TRIM16: variants seen among roughly 807,000 people sequenced by gnomAD.
TRIM16 encodes tripartite motif containing 16.
Under a neutral mutation model 50.4 loss-of-function variants are expected in TRIM16, and 33 were observed. That is an observed-to-expected ratio of 0.65 (90% CI 0.50 to 0.88). TRIM16 has a LOEUF of 0.88. TRIM16 is among the 40% of genes least tolerant of loss of function. The pLI, the probability that TRIM16 is intolerant of heterozygous loss-of-function variation, is 0.00. For synonymous variants in TRIM16, 229 were observed against 270.7 expected (o/e 0.85, Z 1.51); for missense variants, 581 against 686.8 (o/e 0.85, Z 1.72).
At chr17:15,633,439 A>G (rs1986533079) in intron 9 of TRIM16, among the ~76,000 whole-genome samples, 1 of 150,734 alleles carries the variant, frequency 6.6e-6, no homozygotes, top group East Asian at 2.0e-4. Context: ...CAGTGGGAGA[A>G]AGGATAAGTT....
chr17:15,663,998 T>G (rs949781894), intron 6 of TRIM16, among the ~76,000 whole-genome samples: 1 of 152,170 alleles, frequency 6.6e-6, no homozygotes, highest in Non-Finnish European at 1.5e-5. Flanking sequence ...GCAAACCATC[T>G]GCTAAAATGG....
intron 6 of TRIM16, among the ~76,000 whole-genome samples, chr17:15,656,512 C>T (rs1248549346): frequency 1.3e-5 from 2 of 152,072 alleles, no homozygotes; most frequent in Non-Finnish European, 2.9e-5. Flanking sequence ...CCTCCTCAGC[C>T]CCCATCACAA....
chr17:15,658,830 G>A (rs1184186124), intron 6 of TRIM16: 1 of 985,284 alleles, frequency 1.0e-6, no homozygotes, highest in East Asian at 1.1e-4. Flanking sequence ...TGAACTTTCT[G>A]GTTTGGGGTC....
Position 15,651,079 on chromosome 17 carries a change from C to G in TRIM16, c.519+12G>C, listed in dbSNP as rs1000248219. On this transcript the variant is annotated intron_variant, in intron 7 of 11. Transcript: ENST00000649191. ...CCTCTCCCAAATGGATGAATGGTCC[C>G]CAAGCACTCACCTCCTTGTCCCTGC... The G allele has an allele frequency of 6.3e-7, 1 of 1,594,768 alleles. No homozygotes were observed. Among genetic ancestry groups the G allele is most frequent in the Admixed American group, 1.7e-5 (1 of 59,310 alleles).
At chr17:15,633,520 T>C (rs1187177139) in intron 9 of TRIM16, among the ~76,000 whole-genome samples, 3 of 148,552 alleles carry the variant, frequency 2.0e-5, no homozygotes, top group Non-Finnish European at 4.5e-5. Context: ...ACGTTATCTT[T>C]TGCCAAAATA....
rs369179380 is a variant in TRIM16 at position 15,676,228 on chromosome 17, C to T, written c.-338+948G>A. On this transcript the variant is annotated intron_variant, in intron 6 of 11. Transcript: ENST00000649191. ...CGAGATGCCCATAGCACACTTCAGA[C>T]GTTGCCAAATGTCCCCCGGGGGGCA... is the stretch of plus-strand genomic sequence containing the variant. Among the ~76,000 whole-genome samples, 15 of 152,246 alleles carry T rather than the reference C, an allele frequency of 9.9e-5. No homozygotes were observed. The East Asian group carries it at 2.3e-3, about 24-fold the overall frequency.
At chr17:15,652,370 A>G (rs1456257163) in intron 6 of TRIM16, among the ~76,000 whole-genome samples, 2 of 141,312 alleles carry the variant, frequency 1.4e-5, no homozygotes, top group East Asian at 4.1e-4. Flanking sequence ...CATCTTGGCC[A>G]GGCTGGTCTT....
intron 8 of TRIM16, among the ~76,000 whole-genome samples, chr17:15,637,621 G>T (rs1266943357): frequency 9.8e-4 from 85 of 87,042 alleles, no homozygotes; most frequent in African/African-American, 4.5e-3. Flanking sequence ...GGAGGGAGGT[G>T]GGGGGGGGTC....
intron 11 of TRIM16, among the ~76,000 whole-genome samples, chr17:15,629,908 C>T (rs2150894801): frequency 1.3e-5 from 2 of 152,352 alleles, no homozygotes; most frequent in Non-Finnish European, 2.9e-5. Context: ...GGGTTTCTGA[C>T]TGGTCGTTCG....
chr17:15,631,568 G>A (rs1986420095), intron 11 of TRIM16, 51 bp downstream of exon 11: 1 of 1,592,714 alleles, frequency 6.3e-7, no homozygotes, highest in African/African-American at 1.3e-5. Context: ...ACTTAGCAAA[G>A]CACTGCACTG....
intron 6 of TRIM16, among the ~76,000 whole-genome samples, chr17:15,665,806 C>T (rs1011867700): frequency 3.3e-5 from 5 of 152,024 alleles, no homozygotes; most frequent in Admixed American, 6.5e-5. Flanking sequence ...GATGTCTCAG[C>T]TCAACTTTCA....
intron 5 of TRIM16, 109 bp downstream of exon 5, chr17:15,677,465 GA>G: frequency 1.0e-6 from 1 of 966,960 alleles, no homozygotes; most frequent in Non-Finnish European, 1.2e-6. Flanking sequence ...TTCTGTGGGG[GA>G]AAATAACCAA....
At position 15,629,203 on chromosome 17, in the gene TRIM16, G is replaced by A. The variant is rs755756102; in HGVS notation, c.1112-5C>T. On this transcript the variant is annotated splice_region_variant and splice_polypyrimidine_tract_variant and intron_variant, in intron 11 of 11. Coordinates refer to ENST00000649191, the MANE Select transcript of TRIM16 (RefSeq NM_001348119.1). Reference sequence around the variant, plus strand: ...CAAACGTGATGTCATACGCATCTGAGGAGACACAGAAGGCAGGAGAGTGGT... The same window carrying A: ...CAAACGTGATGTCATACGCATCTGAAGAGACACAGAAGGCAGGAGAGTGGT... 12 of 1,594,724 alleles carry A rather than the reference G, an allele frequency of 7.5e-6. No individual in the cohort carries two copies. The highest frequency in any genetic ancestry group is 1.1e-5 in the South Asian group (1 of 88,264).
At chr17:15,636,326 T>G (rs1986740449) in intron 8 of TRIM16, 57 bp from the exon 9 acceptor site, 1 of 1,567,440 alleles carries the variant, frequency 6.4e-7, no homozygotes, top group African/African-American at 1.4e-5. Context: ...GCATCCAACT[T>G]GATAGAAACT....
At chr17:15,649,229 G>T (rs1320483314) in intron 7 of TRIM16, among the ~76,000 whole-genome samples, 1 of 152,146 alleles carries the variant, frequency 6.6e-6, no homozygotes, top group Non-Finnish European at 1.5e-5. Flanking sequence ...GAGGTTTGGT[G>T]ATCTGGGATG....
intron 6 of TRIM16, among the ~76,000 whole-genome samples, chr17:15,656,367 C>T (rs1275711549): frequency 6.6e-6 from 1 of 152,198 alleles, no homozygotes; most frequent in Non-Finnish European, 1.5e-5. Flanking sequence ...CATCTTGATA[C>T]TCTGTCTCTC....
chr17:15,654,225 A>G (rs1345074145), intron 6 of TRIM16: 2 of 152,178 alleles, frequency 1.3e-5, no homozygotes, highest in Non-Finnish European at 2.9e-5. Context: ...AGACTTTACA[A>G]ATTCATTCCA....
At chr17:15,650,834 GGA>G (rs945461761) in intron 7 of TRIM16, among the ~76,000 whole-genome samples, 2 of 152,160 alleles carry the variant, frequency 1.3e-5, no homozygotes, top group African/African-American at 4.8e-5. Context: ...GCAAGAAGGA[GGA>G]GAGACAGACA....
intron 6 of TRIM16, among the ~76,000 whole-genome samples, chr17:15,674,657 C>A (rs1055235727): frequency 5.3e-5 from 8 of 152,182 alleles, no homozygotes; most frequent in African/African-American, 1.9e-4. Context: ...TCCCTAGCTA[C>A]TTTAAAGGCC....
Sources: gnomAD v4.1 joint callset for allele counts (sites outside exome capture counted in the v4.1 genomes callset) on GRCh38, gnomAD v4.1.1 for gene constraint, MANE v1.5 for transcripts, NCBI Gene and HGNC (gene_info 2026-07-23, HGNC 2026-07-21) for gene names.